The following FGGY variants were observed in gnomAD, a reference collection of about 807,000 sequenced individuals.
FGGY encodes the protein FGGY carbohydrate kinase domain containing, also known as FGGY carbohydrate kinase domain-containing protein.
Under a neutral mutation model 71.3 loss-of-function variants are expected in FGGY, and 72 were observed. The ratio of observed to expected loss-of-function variants is 1.01; its 90% confidence interval spans 0.84 to 1.23. The LOEUF is 1.23. Among genes scored for constraint, FGGY ranks in the 50% most tolerant of loss-of-function variants. The pLI is 0.00. For missense variants in FGGY, 668 were observed against 682.3 expected (o/e 0.98, Z 0.23); for synonymous variants, 251 against 250.3 (o/e 1.00, Z -0.02).
In FGGY at chr1:59,587,853, A is replaced by G. The variant is rs1291266142; in HGVS notation, c.904-19950A>G. Among the ~76,000 whole-genome samples the G allele has an allele frequency of 1.3e-5, 2 of 152,202 alleles. 1 individual carries two copies. Among genetic ancestry groups the G allele is most frequent in the Non-Finnish European group, 2.9e-5 (2 of 68,044 alleles). ...AAAACCACAAAGATGGGGAAAAAACAGAGCAGAAAAACTGGAAACTCTAAA... is the reference window on the plus strand; with the variant it reads ...AAAACCACAAAGATGGGGAAAAAACGGAGCAGAAAAACTGGAAACTCTAAA... On this transcript the variant is annotated intron_variant, in intron 8 of 15. Coordinates refer to ENST00000303721, the MANE Select transcript of FGGY (RefSeq NM_018291.5).
At chr1:59,554,013 TC>T in intron 7 of FGGY, 110 bp from the exon 8 acceptor site, 1 of 828,516 alleles carries the variant, frequency 1.2e-6, no homozygotes. Context: ...GGACCCTTCC[TC>T]CATGTTGTTT....
intron 14 of FGGY, among the ~76,000 whole-genome samples, chr1:59,740,071 T>C (rs1476604767): frequency 6.6e-6 from 1 of 152,176 alleles, no homozygotes; most frequent in Non-Finnish European, 1.5e-5. Context: ...GATGGGAACC[T>C]CTCCTCCCTC....
At chr1:59,733,528 C>G (rs780196205) in intron 14 of FGGY, among the ~76,000 whole-genome samples, 3 of 151,934 alleles carry the variant, frequency 2.0e-5, no homozygotes, top group Non-Finnish European at 4.4e-5. Flanking sequence ...GCCAGATCTT[C>G]TAACACTTAC....
chr1:59,597,376 A>T (rs1274190790), intron 8 of FGGY, among the ~76,000 whole-genome samples: 1 of 152,216 alleles, frequency 6.6e-6, no homozygotes, highest in Non-Finnish European at 1.5e-5. Context: ...ACTTATGCCC[A>T]CTGACAGATC....
intron 1 of FGGY, among the ~76,000 whole-genome samples, chr1:59,300,004 T>G (rs182611684): frequency 6.6e-6 from 1 of 152,264 alleles, no homozygotes; most frequent in Non-Finnish European, 1.5e-5. Context: ...GACATATTGA[T>G]TCTTTGAAGA....
At chr1:59,461,807 AT>A (rs1259432787) in intron 6 of FGGY, among the ~76,000 whole-genome samples, 8 of 151,422 alleles carry the variant, frequency 5.3e-5, no homozygotes, top group Non-Finnish European at 8.8e-5. Flanking sequence ...TTTTTATTTT[AT>A]TGTATTTTAT....
chr1:59,641,200 A>G (rs1317972176), intron 11 of FGGY: 13 of 1,120,698 alleles, frequency 1.2e-5, no homozygotes, highest in Admixed American at 4.1e-5. Context: ...GGCTCCTTGT[A>G]TCATTGTCTA....
At chr1:59,587,536 G>T (rs548152966) in intron 8 of FGGY, among the ~76,000 whole-genome samples, 5 of 152,276 alleles carry the variant, frequency 3.3e-5, no homozygotes, top group African/African-American at 9.6e-5. Context: ...GCCTAACTGG[G>T]AGGCACCCCC....
At chr1:59,540,659 T>C (rs1222173945) in intron 7 of FGGY, among the ~76,000 whole-genome samples, 3 of 152,224 alleles carry the variant, frequency 2.0e-5, no homozygotes, top group African/African-American at 7.2e-5. Flanking sequence ...AGCTTTTTAA[T>C]GTAGGTTATA....
chr1:59,404,305 C>T (rs767239657), intron 5 of FGGY, among the ~76,000 whole-genome samples: 2 of 152,000 alleles, frequency 1.3e-5, no homozygotes, highest in African/African-American at 2.4e-5. Flanking sequence ...CAATCCACCA[C>T]GCACACATTT....
At chr1:59,395,090 A>AT (rs776848960) in intron 5 of FGGY, among the ~76,000 whole-genome samples, 5 of 151,846 alleles carry the variant, frequency 3.3e-5, no homozygotes, top group Non-Finnish European at 5.9e-5. Context: ...CTACTGTTTC[A>AT]TTTTTCCTAT....
At chr1:59,613,253 G>GC (rs1558547286) in intron 9 of FGGY, among the ~76,000 whole-genome samples, 3 of 152,160 alleles carry the variant, frequency 2.0e-5, no homozygotes, top group East Asian at 3.9e-4. Context: ...TGGAAGTAAA[G>GC]ACGTCCTCAG....
intron 5 of FGGY, among the ~76,000 whole-genome samples, chr1:59,385,965 ATTATT>A (rs1255039827): frequency 6.6e-6 from 1 of 152,144 alleles, no homozygotes; most frequent in Non-Finnish European, 1.5e-5. Context: ...GACAATATAA[ATTATT>A]TAAAAGTATG....
At chr1:59,643,288 A>G (rs1158640396) in intron 11 of FGGY, among the ~76,000 whole-genome samples, 1 of 152,108 alleles carries the variant, frequency 6.6e-6, no homozygotes, top group African/African-American at 2.4e-5. Flanking sequence ...TTCTGAGCTC[A>G]AGCAGTCCTT....
At position 59,431,826 on chromosome 1, in the gene FGGY, C is replaced by T. The variant is rs76818917; in HGVS notation, c.555-25135C>T. On this transcript the variant is annotated intron_variant, in intron 5 of 15. Coordinates refer to ENST00000303721, the MANE Select transcript of FGGY (RefSeq NM_018291.5). Reference sequence around the variant, plus strand: ...AGAGTGATCAACATTCTAGGAGTATCTTTTGTTGTACTATTTAGACTTTGA... The same window carrying T: ...AGAGTGATCAACATTCTAGGAGTATTTTTTGTTGTACTATTTAGACTTTGA... 2.4e-4 allele frequency among the ~76,000 whole-genome samples: 36 copies of T among 152,290 alleles called. No homozygotes were observed. In the East Asian group the frequency reaches 6.6e-3, roughly 28 times the overall value.
At chr1:59,323,429 G>A (rs1353912909) in intron 2 of FGGY, among the ~76,000 whole-genome samples, 1 of 152,196 alleles carries the variant, frequency 6.6e-6, no homozygotes, top group Admixed American at 6.5e-5. Context: ...GGTCTTAGGC[G>A]ATTCTCCTCA....
At chr1:59,462,753 A>G (rs2092335751) in intron 6 of FGGY, among the ~76,000 whole-genome samples, 3 of 152,160 alleles carry the variant, frequency 2.0e-5, no homozygotes, top group Admixed American at 6.5e-5. Context: ...CAAAACCACA[A>G]TGAGATACCA....
At chr1:59,375,721 G>A (rs2058553333) in intron 4 of FGGY, among the ~76,000 whole-genome samples, 1 of 152,080 alleles carries the variant, frequency 6.6e-6, no homozygotes. Flanking sequence ...GGGACTCCTT[G>A]CTCCTCCTAT....
At chr1:59,760,644 C>T (rs1559017040) in intron 15 of FGGY, among the ~76,000 whole-genome samples, 1 of 152,150 alleles carries the variant, frequency 6.6e-6, no homozygotes, top group Non-Finnish European at 1.5e-5. Context: ...ACATGCCACA[C>T]ATCAGTGAAC....
Sources: gnomAD v4.1 joint callset for allele counts (sites outside exome capture counted in the v4.1 genomes callset) on GRCh38, gnomAD v4.1.1 for gene constraint, MANE v1.5 for transcripts, NCBI Gene and HGNC (gene_info 2026-07-23, HGNC 2026-07-21) for gene names.